The following MAP7D1 variants were observed in gnomAD, a reference collection of about 807,000 sequenced individuals.
MAP7D1 encodes the protein MAP7 domain-containing protein 1.
In MAP7D1, 30 loss-of-function variants were observed where a neutral mutation model predicts 97.5. That is an observed-to-expected ratio of 0.31 (90% CI 0.23 to 0.42). The LOEUF (loss-of-function observed/expected upper bound fraction) is 0.42. Among genes scored for constraint, MAP7D1 ranks in the 10% least tolerant of loss-of-function variants. The pLI, the probability that MAP7D1 is intolerant of heterozygous loss-of-function variation, is 1.00. For missense variants in MAP7D1, 1,184 were observed against 1,179.5 expected (o/e 1.00, Z -0.06); for synonymous variants, 536 against 477.1 (o/e 1.12, Z -1.61).
In MAP7D1 at chr1:36,171,262, G is replaced by A; in HGVS notation, c.338G>A (p.Ser113Asn). 6.3e-7 allele frequency: 1 copy of A among 1,594,496 alleles called. No homozygotes were observed. The highest frequency in any genetic ancestry group is 8.5e-7 in the Non-Finnish European group (1 of 1,170,634). The stretch of plus-strand genomic sequence containing the variant: ...GATGCCAGACCTCCTCGAAGGAGCA[G>A]CCAGCCATCTCCAACAGCAGTGCCA... ...PRDARPPRRS[S>N]QPSPTAVPAS... The change falls in exon 2 of 17, where the codon AGC becomes AAC. Residue 113 changes from serine (S) to asparagine (N), a missense_variant. By Grantham distance (46) the Ser-to-Asn change is conservative (BLOSUM62 1). Transcript: ENST00000474796.
intron 1 of MAP7D1, among the ~76,000 whole-genome samples, chr1:36,165,078 G>C (rs903610460): frequency 6.6e-6 from 1 of 152,194 alleles, no homozygotes; most frequent in Non-Finnish European, 1.5e-5. Context: ...GAAAAATCTA[G>C]TTGGAACTGG....
In MAP7D1 at chr1:36,178,157, C is replaced by T; in HGVS notation, c.1664C>T (p.Pro555Leu). 6.3e-7 allele frequency: 1 copy of T among 1,578,016 alleles called. No homozygotes were observed. The highest frequency in any genetic ancestry group is 1.3e-5 in the African/African-American group (1 of 74,562). The stretch of plus-strand genomic sequence containing the variant: ...CCTTCGCCGGCGCCCTCGCCCACCC[C>T]AGCCCCGCCCCAGAAGGAGCAGCCC... ...PAPSPAPSPT[P>L]APPQKEQPPA... Residue 555 changes from proline (P) to leucine (L), a missense_variant, in exon 9 of 17, where the codon CCA becomes CTA. Coordinates refer to ENST00000474796, the MANE Select transcript of MAP7D1 (RefSeq NM_001388490.1).
intron 1 of MAP7D1, among the ~76,000 whole-genome samples, chr1:36,170,652 T>C (rs1362954367): frequency 6.6e-6 from 1 of 152,226 alleles, no homozygotes. Flanking sequence ...CTCAGCTTGG[T>C]TGTTACTTCT....
At chr1:36,179,180 A>C (rs998364299) in intron 12 of MAP7D1, 82 bp from the exon 13 acceptor site, 1 of 1,548,838 alleles carries the variant, frequency 6.5e-7, no homozygotes, top group Admixed American at 1.7e-5. Flanking sequence ...AGGCCCTAAG[A>C]CTCCGAGGCC....
chr1:36,161,136 A>T, intron 1 of MAP7D1, among the ~76,000 whole-genome samples: 1 of 152,344 alleles, frequency 6.6e-6, no homozygotes, highest in South Asian at 2.1e-4. Context: ...CTGTAGTCTC[A>T]GTCGGGTTCC....
rs1352308045 is a variant in MAP7D1 at position 36,176,333 on chromosome 1, G to A, written c.985G>A (p.Asp329Asn). 3 of 1,532,810 alleles carry A rather than the reference G, an allele frequency of 2.0e-6. No individual in the cohort carries two copies. Among genetic ancestry groups the A allele is most frequent in the Middle Eastern group, 2.2e-4 (1 of 4,510 alleles). 95.0% of individuals were successfully genotyped at this position (1,532,810 alleles called of 1,614,324 possible). Residue 329 changes from aspartate to asparagine, a missense_variant, in exon 7 of 17, where the codon GAC becomes AAC. Physicochemically the swap from Asp to Asn is conservative, Grantham distance 23. Transcript: ENST00000474796. The surrounding 1 kb of genome is among the most constrained non-coding windows in gnomAD (Gnocchi z 6.1). ...CGGCCGGGACCAGGGTAGGGGCTGC[G>A]ACCCTGGGAGAGGCCCCACGTGGGG... ...RNGRDQGRGC[D>N]PGRGPTWGRA...
chr1:36,176,783 C>T lies in MAP7D1; in HGVS notation c.1320C>T (p.Arg440=). 5 of 1,599,822 alleles carry T rather than the reference C, an allele frequency of 3.1e-6. No individual in the cohort carries two copies. The highest frequency in any genetic ancestry group is 4.3e-6 in the Non-Finnish European group (5 of 1,174,352). Residue 440 remains arginine, a synonymous_variant, in exon 8 of 17, where the codon CGC becomes CGT. Coordinates refer to ENST00000474796, the MANE Select transcript of MAP7D1 (RefSeq NM_001388490.1). The surrounding 1 kb of genome is among the most constrained non-coding windows in gnomAD (Gnocchi z 6.1). ...ALARERSLKK[R]QSLPASPRAR... ...CCCGGGAGCGCAGCCTCAAGAAGCG[C>T]CAGTCGCTGCCCGCCTCCCCACGTG...
intron 1 of MAP7D1, among the ~76,000 whole-genome samples, chr1:36,160,714 C>T (rs2124200870): frequency 6.6e-6 from 1 of 152,376 alleles, no homozygotes; most frequent in Non-Finnish European, 1.5e-5. Context: ...TATCCAGTGA[C>T]AAGGTCTGGC....
chr1:36,178,368 C>T (rs942892346), intron 9 of MAP7D1, 51 bp from the exon 10 acceptor site: 3 of 1,560,620 alleles, frequency 1.9e-6, no homozygotes, highest in African/African-American at 2.7e-5. Flanking sequence ...TGGGAGATGA[C>T]GGCGGTGTCT....
chr1:36,168,662 G>T (rs1644502750), intron 1 of MAP7D1, among the ~76,000 whole-genome samples: 1 of 152,110 alleles, frequency 6.6e-6, no homozygotes, highest in African/African-American at 2.4e-5. Context: ...GCCTCAGCTG[G>T]GGCTCTTGCC....
At chr1:36,175,139 T>G in intron 6 of MAP7D1, 131 bp downstream of exon 6, 3 of 649,870 alleles carry the variant, frequency 4.6e-6, no homozygotes, top group Non-Finnish European at 5.5e-6. Context: ...CACTCTACCT[T>G]ACCCAGGGCT....
Position 36,171,330 on chromosome 1 carries a change from C to T in MAP7D1, c.391+15C>T, listed in dbSNP as rs1424754306. On this transcript the variant is annotated intron_variant, in intron 2 of 16. Transcript: ENST00000474796. ...CACCAAGCAAGGTGTGTGTAATGAC[C>T]CCGGCCTGGGCCTAAACCTCTTGGC... 6.4e-7 allele frequency: 1 copy of T among 1,552,010 alleles called. No individual in the cohort carries two copies. The highest frequency in any genetic ancestry group is 1.2e-5 in the South Asian group (1 of 80,998).
chr1:36,174,690 G>A (rs954776740), intron 5 of MAP7D1, among the ~76,000 whole-genome samples: 1 of 151,730 alleles, frequency 6.6e-6, no homozygotes, highest in African/African-American at 2.4e-5. Context: ...TTCCTTCTCC[G>A]TCGGCTCCCC....
chr1:36,161,823 T>C (rs1251329022), intron 1 of MAP7D1, among the ~76,000 whole-genome samples: 1 of 152,072 alleles, frequency 6.6e-6, no homozygotes, highest in African/African-American at 2.4e-5. Context: ...GTCTCAGATA[T>C]GTGTAGAGTT....
chr1:36,163,088 C>A (rs930756792), intron 1 of MAP7D1, among the ~76,000 whole-genome samples: 1 of 152,062 alleles, frequency 6.6e-6, no homozygotes, highest in Non-Finnish European at 1.5e-5. Flanking sequence ...GAAAGGACTG[C>A]CAGCTCTCAG....
intron 1 of MAP7D1, among the ~76,000 whole-genome samples, chr1:36,161,096 C>T (rs910374421): frequency 1.3e-5 from 2 of 152,206 alleles, no homozygotes; most frequent in African/African-American, 4.8e-5. Context: ...GAACAATGGC[C>T]GCCAGCCGGG....
In MAP7D1 at chr1:36,177,976, C is replaced by A. The variant is rs1346599495; in HGVS notation, c.1483C>A (p.Pro495Thr). The A allele has an allele frequency of 6.2e-7, 1 of 1,607,478 alleles. No individual in the cohort carries two copies. The highest frequency in any genetic ancestry group is 8.5e-7 in the Non-Finnish European group (1 of 1,175,468). The part of the protein sequence containing the change: ...GPGHTLPPKP[P>T]SPRGTTASPK... ...AGGCCACACTCTGCCTCCAAAGCCA[C>A]CGTCCCCCCGAGGCACCACTGCATC... Residue 495 changes from proline (P) to threonine (T), a missense_variant, in exon 9 of 17, where the codon CCG becomes ACG. Transcript: ENST00000474796.
At chr1:36,167,901 C>T (rs55914703) in intron 1 of MAP7D1, among the ~76,000 whole-genome samples, 6 of 152,174 alleles carry the variant, frequency 3.9e-5, no homozygotes, top group African/African-American at 1.2e-4. Flanking sequence ...ACCTGCAGCA[C>T]GCACAGGTGC....
intron 1 of MAP7D1, among the ~76,000 whole-genome samples, chr1:36,161,381 G>A (rs1644407059): frequency 6.6e-6 from 1 of 152,210 alleles, no homozygotes; most frequent in Non-Finnish European, 1.5e-5. Context: ...CTCTCCAGGA[G>A]AGGGAACCCA....
Sources: allele counts gnomAD v4.1 joint callset (sites outside exome capture counted in the v4.1 genomes callset), GRCh38; gene constraint gnomAD v4.1.1; non-coding constraint Gnocchi (gnomAD v3.1); transcripts MANE v1.5; gene names NCBI Gene and HGNC (gene_info 2026-07-23, HGNC 2026-07-21).